The following ZNF469 variants were observed in gnomAD, a reference collection of about 807,000 sequenced individuals.
ZNF469 encodes zinc finger protein 469.
A neutral mutation model predicts 1.0 loss-of-function variants in ZNF469; 1 was observed. The observed-to-expected ratio is 1.00, with a 90% CI of 0.35 to 4.73. The LOEUF is 4.73. Ranked by LOEUF, ZNF469 falls within the 30% of genes most tolerant of loss-of-function variation. The pLI, the probability that ZNF469 is intolerant of heterozygous loss-of-function variation, is 0.16. For synonymous variants in ZNF469, 2,703 were observed against 2,363.4 expected, an observed-to-expected ratio of 1.14 and a Z score of -4.17; for missense variants, 6,100 against 5,356.3, an observed-to-expected ratio of 1.14 and a Z score of -4.33.
the ZNF469 span, among the ~76,000 whole-genome samples, chr16:88,362,651 A>G: frequency 6.6e-6 from 1 of 152,036 alleles, no homozygotes; most frequent in African/African-American, 2.4e-5. Flanking sequence ...TTTTGGTGCC[A>G]TTTATCTTTG....
At chr16:88,418,390 T>A (rs1413067065) in intron 1 of ZNF469, among the ~76,000 whole-genome samples, 1 of 152,040 alleles carries the variant, frequency 6.6e-6, no homozygotes, top group Admixed American at 6.5e-5. Flanking sequence ...GAGGTCCTGG[T>A]GTCCTTCTGG....
the ZNF469 span, among the ~76,000 whole-genome samples, chr16:88,309,563 T>C: frequency 2.7e-5 from 4 of 148,558 alleles, no homozygotes. Flanking sequence ...GAGTACCCTC[T>C]GAGGTCCCCT....
chr16:88,114,356 G>C, the ZNF469 span, among the ~76,000 whole-genome samples: 2 of 144,138 alleles, frequency 1.4e-5, no homozygotes, highest in Admixed American at 1.4e-4. Flanking sequence ...GGTCTCAGGG[G>C]AGAATGACAG....
At position 88,430,489 on chromosome 16, in the gene ZNF469, G is replaced by A; in HGVS notation, c.3019G>A (p.Asp1007Asn). 2.1e-6 allele frequency: 3 copies of A among 1,423,756 alleles called. No individual in the cohort carries two copies. The highest frequency in any genetic ancestry group is 2.7e-6 in the Non-Finnish European group (3 of 1,099,576). The allele number at this position is 1,423,756 out of a possible 1,614,324, so 88.2% of individuals were successfully genotyped here. ...PRTQAPGSRA[D>N]PAPRVPRAAA... ...AACGCAGGCCCCCGGGAGCCGCGCA[G>A]ACCCCGCGCCCCGGGTCCCGAGAGC... The change falls in exon 3 of 3, where the codon GAC (aspartate) becomes AAC (asparagine). Residue 1007 changes from aspartate to asparagine, a missense_variant. Coordinates refer to ENST00000565624, the MANE Select transcript of ZNF469 (RefSeq NM_001367624.2).
In ZNF469 at chr16:88,407,906, C is replaced by G. The variant is rs1467422437; in HGVS notation, c.-191-16901C>G. Among the ~76,000 whole-genome samples, 4 of 152,362 alleles carry G rather than the reference C, an allele frequency of 2.6e-5. No individual in the cohort carries two copies. The East Asian group carries it at 7.7e-4, about 29-fold the overall frequency. Reference sequence around the variant, plus strand: ...GGACATAGAAACCACATGCACACACCCGGCCATGCCTGCACGTGTGTGCCT... The same window carrying G: ...GGACATAGAAACCACATGCACACACGCGGCCATGCCTGCACGTGTGTGCCT... On this transcript the variant is annotated intron_variant, in intron 1 of 2. Coordinates refer to ENST00000565624, the MANE Select transcript of ZNF469 (RefSeq NM_001367624.2).
the ZNF469 span, among the ~76,000 whole-genome samples, chr16:88,276,293 G>A: frequency 6.6e-6 from 1 of 152,176 alleles, no homozygotes; most frequent in African/African-American, 2.4e-5. Context: ...GATATGGAGT[G>A]GGGGTGCAGC....
At chr16:88,309,599 G>T in the ZNF469 span, among the ~76,000 whole-genome samples, 6 of 144,438 alleles carry the variant, frequency 4.2e-5, no homozygotes, top group Admixed American at 4.0e-4. Context: ...AACTGGCGGG[G>T]GTAGTGCCCT....
chr16:88,319,789 GC>G, the ZNF469 span, among the ~76,000 whole-genome samples: 1 of 152,184 alleles, frequency 6.6e-6, no homozygotes, highest in East Asian at 1.9e-4. Context: ...CAGCTTCGCA[GC>G]TAGAGGACTC....
At chr16:88,197,029 G>A in the ZNF469 span, among the ~76,000 whole-genome samples, 2 of 152,180 alleles carry the variant, frequency 1.3e-5, no homozygotes, top group East Asian at 1.9e-4. Flanking sequence ...TTCAGCGGCT[G>A]GAATTCGTCC....
upstream of ZNF469, among the ~76,000 whole-genome samples, chr16:88,381,135 C>A (rs369221580): frequency 4.8e-5 from 7 of 144,692 alleles, no homozygotes; most frequent in Middle Eastern, 3.7e-3. Flanking sequence ...CACAGACATG[C>A]ACTCACACAC....
Position 88,429,227 on chromosome 16 carries a change from C to A in ZNF469, c.1757C>A (p.Ala586Asp), listed in dbSNP as rs1299367471. The change falls in exon 3 of 3, where the codon GCC becomes GAC. Residue 586 changes from alanine to aspartate, a missense_variant. Ala to Asp is a moderately radical substitution (Grantham distance 126). Coordinates refer to ENST00000565624, the MANE Select transcript of ZNF469 (RefSeq NM_001367624.2). ...CTGCCCCCACCGAGGGTAGTGGGAG[C>A]CTCCCCCAGCGAGTCCCCACTGCCG... ...PSLPPPRVVG[A>D]SPSESPLPSP... 6.5e-7 allele frequency: 1 copy of A among 1,549,770 alleles called. No homozygotes were observed. The highest frequency in any genetic ancestry group is 2.4e-5 in the East Asian group (1 of 40,904).
the ZNF469 span, among the ~76,000 whole-genome samples, chr16:88,243,911 CATATATATATATATATATATATAT>C: frequency 3.9e-3 from 102 of 26,274 alleles, 5 homozygotes; most frequent in African/African-American, 7.0e-3. Flanking sequence ...TGGCTGGATG[CATATATATATATATATATATATAT>C]ATATATATAT....
In ZNF469 at chr16:88,437,109, C is replaced by T; in HGVS notation, c.9639C>T (p.Asp3213=). Reference sequence around the variant, plus strand: ...GGCAGGCGCGGAGGTCCTTGGGGGACCTGCCCGGAGGCCTGGAGGGCAGCA... The same window carrying T: ...GGCAGGCGCGGAGGTCCTTGGGGGATCTGCCCGGAGGCCTGGAGGGCAGCA... ...RRGQARRSLG[D]LPGGLEGSSA... is the part of the protein sequence containing the mutation. The change falls in exon 3 of 3, where the codon GAC becomes GAT. Residue 3213 remains aspartate (D), a synonymous_variant. Transcript: ENST00000565624. 1 of 1,547,334 alleles carries T rather than the reference C, an allele frequency of 6.5e-7. No homozygotes were observed. Among genetic ancestry groups the T allele is most frequent in the South Asian group, 1.2e-5 (1 of 84,016 alleles).
the ZNF469 span, among the ~76,000 whole-genome samples, chr16:88,205,443 T>C: frequency 1.3e-5 from 2 of 152,194 alleles, no homozygotes; most frequent in Non-Finnish European, 2.9e-5. This position sits in a 1 kb window ranked among gnomAD's most constrained non-coding sequence, Gnocchi z 4.2. Flanking sequence ...AAGGCGTTTT[T>C]AAGGATTCTA....
chr16:88,104,300 C>A, the ZNF469 span, among the ~76,000 whole-genome samples: 2 of 151,370 alleles, frequency 1.3e-5, no homozygotes, highest in African/African-American at 4.9e-5. Context: ...GCTTCACATA[C>A]CATAGAGTTC....
At chr16:88,363,397 A>G in the ZNF469 span, among the ~76,000 whole-genome samples, 1 of 152,240 alleles carries the variant, frequency 6.6e-6, no homozygotes, top group African/African-American at 2.4e-5. Flanking sequence ...TTTAAGTTGG[A>G]TAAACTCAAA....
chr16:88,100,957 GC>G, the ZNF469 span: 2 of 268,124 alleles, frequency 7.5e-6, no homozygotes, highest in South Asian at 6.5e-5. Flanking sequence ...GCCCCAACGC[GC>G]TGCTGCTGCT....
the ZNF469 span, among the ~76,000 whole-genome samples, chr16:88,169,589 C>T: frequency 1.7e-4 from 26 of 152,326 alleles, no homozygotes; most frequent in Non-Finnish European, 3.1e-4. The surrounding 1 kb of genome is among the most constrained non-coding windows in gnomAD (Gnocchi z 6.1). Context: ...GCACCAGCTG[C>T]GGTGGTCCAT....
At chr16:88,310,049 A>G in the ZNF469 span, among the ~76,000 whole-genome samples, 1 of 152,058 alleles carries the variant, frequency 6.6e-6, no homozygotes, top group East Asian at 1.9e-4. Flanking sequence ...ATTCCTGTGC[A>G]CTGAGTGGCC....
Sources: allele counts gnomAD v4.1 joint callset (sites outside exome capture counted in the v4.1 genomes callset), GRCh38; gene constraint gnomAD v4.1.1; non-coding constraint Gnocchi (gnomAD v3.1); transcripts MANE v1.5; gene names NCBI Gene and HGNC (gene_info 2026-07-23, HGNC 2026-07-21).